Variants in NTN1 observed in about 807,000 individuals in gnomAD.
The protein encoded by NTN1 is netrin-1.
NTN1 carries 11 observed loss-of-function variants against 54.2 expected under a neutral mutation model. The observed-to-expected ratio is 0.20, with a 90% CI of 0.13 to 0.34. The LOEUF is 0.34. NTN1 is among the 10% of genes least tolerant of loss of function. The probability of loss-of-function intolerance (pLI) is 1.00; values close to 1 mark genes in which losing one functional copy is unlikely to be tolerated. For synonymous variants in NTN1, 371 were observed against 382.0 expected (o/e 0.97, Z 0.33); for missense variants, 740 against 893.1 (o/e 0.83, Z 2.18).
At chr17:9,106,881 G>A (rs1272094019) in intron 2 of NTN1, among the ~76,000 whole-genome samples, 1 of 151,706 alleles carries the variant, frequency 6.6e-6, no homozygotes, top group Non-Finnish European at 1.5e-5. Flanking sequence ...CATCATCACA[G>A]CACAGATCCT....
At chr17:9,065,450 C>T (rs1394546006) in intron 2 of NTN1, among the ~76,000 whole-genome samples, 1 of 152,158 alleles carries the variant, frequency 6.6e-6, no homozygotes, top group East Asian at 1.9e-4. Flanking sequence ...CTCAAATTGC[C>T]TTGCTGAGAC....
intron 2 of NTN1, among the ~76,000 whole-genome samples, chr17:9,114,162 A>ATATATATATATAT (rs1180136945): frequency 9.5e-4 from 80 of 84,196 alleles, no homozygotes; most frequent in African/African-American, 1.5e-3. Context: ...AGAAAAAAAA[A>ATATATATATATAT]AAAAATATAT....
At chr17:9,122,261 C>T (rs2092233930) in intron 2 of NTN1, among the ~76,000 whole-genome samples, 1 of 152,176 alleles carries the variant, frequency 6.6e-6, no homozygotes, top group South Asian at 2.1e-4. Flanking sequence ...GTCTCGATCT[C>T]CTGACCTCAT....
intron 2 of NTN1, among the ~76,000 whole-genome samples, chr17:9,070,861 G>A (rs573747378): frequency 1.1e-3 from 165 of 152,134 alleles, no homozygotes; most frequent in African/African-American, 3.9e-3. Flanking sequence ...CAAAGTGCTG[G>A]GATTACAGGC....
At chr17:9,011,444 G>C in the NTN1 span, among the ~76,000 whole-genome samples, 1 of 152,130 alleles carries the variant, frequency 6.6e-6, no homozygotes, top group African/African-American at 2.4e-5. Flanking sequence ...CTCTTGTAAG[G>C]ATAACTATGA....
chr17:9,190,737 A>T (rs552284473), intron 5 of NTN1, among the ~76,000 whole-genome samples: 7 of 152,356 alleles, frequency 4.6e-5, no homozygotes, highest in African/African-American at 1.7e-4. Context: ...CTGTAGTCCC[A>T]GCTACTTGGG....
chr17:9,124,323 C>T (rs916801016), intron 2 of NTN1, among the ~76,000 whole-genome samples: 1 of 152,208 alleles, frequency 6.6e-6, no homozygotes, highest in Non-Finnish European at 1.5e-5. Flanking sequence ...CTCGCTCTGT[C>T]CCTGGGCTGT....
chr17:9,115,817 C>A (rs918276173), intron 2 of NTN1, among the ~76,000 whole-genome samples: 1 of 152,216 alleles, frequency 6.6e-6, no homozygotes, highest in African/African-American at 2.4e-5. Flanking sequence ...CGGCCGTGCG[C>A]GGTGGAGGAG....
chr17:9,024,997 G>C (rs1025120855), intron 2 of NTN1, among the ~76,000 whole-genome samples: 3 of 151,870 alleles, frequency 2.0e-5, no homozygotes, highest in Admixed American at 2.0e-4. Flanking sequence ...CCCTTTGTGC[G>C]TAAAAGCCCT....
chr17:9,187,128 A>C (rs2092435799), intron 5 of NTN1, among the ~76,000 whole-genome samples: 1 of 152,128 alleles, frequency 6.6e-6, no homozygotes, highest in Admixed American at 6.6e-5. Flanking sequence ...AAAACAATAC[A>C]TTGACATGAA....
At chr17:9,168,345 C>A (rs1237929984) in intron 3 of NTN1, among the ~76,000 whole-genome samples, 1 of 152,088 alleles carries the variant, frequency 6.6e-6, no homozygotes, top group Non-Finnish European at 1.5e-5. Flanking sequence ...CTAGCCTGAC[C>A]AACATGGAGA....
intron 3 of NTN1, among the ~76,000 whole-genome samples, chr17:9,168,835 G>GT (rs369180340): frequency 6.6e-6 from 1 of 152,118 alleles, no homozygotes; most frequent in Non-Finnish European, 1.5e-5. Flanking sequence ...ATACTTTCAT[G>GT]TTTTTTTGTG....
intron 2 of NTN1, among the ~76,000 whole-genome samples, chr17:9,048,561 G>A (rs2091948640): frequency 3.9e-5 from 6 of 152,064 alleles, no homozygotes; most frequent in Admixed American, 3.9e-4. Flanking sequence ...TTGAAGCTAG[G>A]CATTGACTTC....
chr17:9,107,138 A>T (rs916428485), intron 2 of NTN1, among the ~76,000 whole-genome samples: 1 of 152,200 alleles, frequency 6.6e-6, no homozygotes, highest in African/African-American at 2.4e-5. Context: ...TGTATTTGTG[A>T]CACTCTCCAA....
chr17:9,095,784 T>C (rs1027064395), intron 2 of NTN1, among the ~76,000 whole-genome samples: 3 of 150,078 alleles, frequency 2.0e-5, no homozygotes, highest in African/African-American at 7.3e-5. Flanking sequence ...TGAGAATCTT[T>C]ATAATTTTTT....
At chr17:9,122,395 T>C (rs986692043) in intron 2 of NTN1, among the ~76,000 whole-genome samples, 3 of 152,230 alleles carry the variant, frequency 2.0e-5, no homozygotes, top group South Asian at 2.1e-4. Flanking sequence ...CTCTACAGTT[T>C]GGTTCATAAC....
At chr17:9,145,773 C>T (rs541125934) in intron 2 of NTN1, among the ~76,000 whole-genome samples, 1 of 151,984 alleles carries the variant, frequency 6.6e-6, no homozygotes, top group Non-Finnish European at 1.5e-5. Flanking sequence ...AAAAAATTAG[C>T]CGGGCGTGGT....
At chr17:9,071,509 C>T (rs2092031934) in intron 2 of NTN1, among the ~76,000 whole-genome samples, 1 of 151,730 alleles carries the variant, frequency 6.6e-6, no homozygotes, top group Admixed American at 6.6e-5. Context: ...AACCATAAAA[C>T]AATGTTTGCA....
chr17:9,168,061 A>G (rs1241476370), intron 3 of NTN1, among the ~76,000 whole-genome samples: 1 of 152,134 alleles, frequency 6.6e-6, no homozygotes, highest in African/African-American at 2.4e-5. Flanking sequence ...ACTGAGAACC[A>G]CAGAGAATAA....
Sources: gnomAD v4.1 joint callset for allele counts (sites outside exome capture counted in the v4.1 genomes callset) on GRCh38, gnomAD v4.1.1 for gene constraint, MANE v1.5 for transcripts, NCBI Gene and HGNC (gene_info 2026-07-23, HGNC 2026-07-21) for gene names.